HNRNPH1: variants seen among roughly 807,000 people sequenced by gnomAD.
HNRNPH1 encodes the protein heterogeneous nuclear ribonucleoprotein H.
HNRNPH1 carries 4 observed loss-of-function variants against 58.6 expected under a neutral mutation model. The observed-to-expected ratio is 0.07, with a 90% CI of 0.03 to 0.16. HNRNPH1 has a LOEUF of 0.16. Among genes scored for constraint, HNRNPH1 ranks in the 10% least tolerant of loss-of-function variants. The pLI, the probability that HNRNPH1 is intolerant of heterozygous loss-of-function variation, is 1.00. For synonymous variants in HNRNPH1, 192 were observed against 189.2 expected, an observed-to-expected ratio of 1.01 and a Z score of -0.12; for missense variants, 271 against 564.2, an observed-to-expected ratio of 0.48 and a Z score of 5.26.
intron 1 of HNRNPH1, among the ~76,000 whole-genome samples, chr5:179,622,307 G>C (rs918320622): frequency 1.3e-5 from 2 of 152,186 alleles, no homozygotes; most frequent in Admixed American, 6.5e-5. Context: ...CTGGAAACAA[G>C]AGGTTACACT....
intron 4 of HNRNPH1, 35 bp from the exon 6 acceptor site, chr5:179,618,358 G>A (rs1233289215): frequency 6.8e-7 from 1 of 1,478,908 alleles, no homozygotes; most frequent in East Asian, 2.3e-5. Flanking sequence ...GGTAGGGAGG[G>A]GAGAGAAAAC....
intron 10 of HNRNPH1, 179 bp downstream of exon 11, chr5:179,616,690 C>T (rs1026759850): frequency 1.6e-6 from 1 of 629,346 alleles, no homozygotes; most frequent in African/African-American, 1.8e-5. Context: ...ATTATCTATC[C>T]TAAGGAACTT....
rs537768803 is a variant in HNRNPH1 at position 179,622,520 on chromosome 5, G to A, written c.97+517C>T. On this transcript the variant is annotated intron_variant, in intron 1 of 12. Coordinates refer to ENST00000356731, the Ensembl canonical transcript of HNRNPH1. The stretch of plus-strand genomic sequence containing the variant: ...GAGGTCAGATGTTCGAGACCAGCCT[G>A]GCCAAAATAGTGAAACCCCGTCTCT... Among the ~76,000 whole-genome samples the A allele has an allele frequency of 9.1e-4, 138 of 152,192 alleles. 1 individual carries two copies. The highest frequency in any genetic ancestry group is 1.8e-3 in the Non-Finnish European group (122 of 68,014).
Position 179,616,245 on chromosome 5 carries a change from CTTT to C in HNRNPH1, c.1208-30_1208-28del, listed in dbSNP as rs774093274. ...TGTTAAGTTAAGAAAACATTAGAAC[CTTT>C]TTTCTTATGTGATGTGGTACCTGGT... On this transcript the variant is annotated intron_variant, in intron 10 of 12. Coordinates refer to ENST00000356731, the Ensembl canonical transcript of HNRNPH1. 3.8e-6 allele frequency: 6 copies of C among 1,574,024 alleles called. No individual in the cohort carries two copies. In the East Asian group the frequency reaches 1.3e-4, roughly 35 times the overall value.
intron 1 of HNRNPH1, chr5:179,621,624 G>A (rs1772377121): frequency 1.8e-6 from 1 of 544,290 alleles, no homozygotes; most frequent in Non-Finnish European, 3.3e-6. Flanking sequence ...ATTCAAAGCA[G>A]TTTCAGAATG....
rs559553978 is a variant in HNRNPH1 at position 179,617,757 on chromosome 5, G to A, written c.921+42C>T. ...ATTTATAGAATAAGGCTGACTTACTGCCATACTGAAATATTGACTTGTGAG... is the reference window on the plus strand; with the variant it reads ...ATTTATAGAATAAGGCTGACTTACTACCATACTGAAATATTGACTTGTGAG... On this transcript the variant is annotated intron_variant, in intron 7 of 12. Transcript: ENST00000356731. 9.3e-6 allele frequency: 15 copies of A among 1,609,618 alleles called. No individual in the cohort carries two copies. The East Asian group carries it at 1.3e-4, about 14-fold the overall frequency.
chr5:179,623,746 C>G (rs1209809023), exon 1 of HNRNPH1: 1 of 152,574 alleles, frequency 6.6e-6, no homozygotes, highest in East Asian at 1.9e-4. Context: ...CTGCCCGCAC[C>G]GCCCCGTTGC....
intron 2 of HNRNPH1, among the ~76,000 whole-genome samples, chr5:179,632,162 T>G (rs888925627): frequency 7.3e-4 from 110 of 151,378 alleles, no homozygotes; most frequent in African/African-American, 2.3e-3. Flanking sequence ...AAAAAAATTA[T>G]CCGGGCGTGG....
chr5:179,616,848 A>T (rs1252945035), intron 10 of HNRNPH1, 21 bp downstream of exon 11: 5 of 1,602,420 alleles, frequency 3.1e-6, no homozygotes, highest in Non-Finnish European at 4.3e-6. Context: ...TTTGGTTTTT[A>T]AAAAAACTAA....
upstream of HNRNPH1, among the ~76,000 whole-genome samples, chr5:179,626,881 T>G (rs879466074): frequency 6.7e-6 from 1 of 149,332 alleles, no homozygotes; most frequent in Non-Finnish European, 1.5e-5. Context: ...GTTCACACCA[T>G]TCTCCTGCCT....
At chr5:179,618,260 C>T (rs781487261) in exon 5 of HNRNPH1, 6 of 1,614,062 alleles carry the variant, frequency 3.7e-6, no homozygotes, top group Admixed American at 1.7e-5. Flanking sequence ...TGGCCATAAG[C>T]TTTCGTGGTG....
chr5:179,628,410 A>G (rs920694293), upstream of HNRNPH1, among the ~76,000 whole-genome samples: 3 of 152,052 alleles, frequency 2.0e-5, no homozygotes, highest in African/African-American at 7.2e-5. Flanking sequence ...CTGGAATGCA[A>G]TGGCATGATC....
At chr5:179,619,078 A>G in intron 4 of HNRNPH1, 191 bp downstream of exon 5, 1 of 493,890 alleles carries the variant, frequency 2.0e-6, no homozygotes, top group South Asian at 3.3e-5. Flanking sequence ...AGACCAATTA[A>G]CTAGGGACAA....
chr5:179,625,487 CAAAAAAA>C (rs36011321), upstream of HNRNPH1, among the ~76,000 whole-genome samples: 247 of 86,320 alleles, frequency 2.9e-3, 1 homozygote, highest in Admixed American at 2.6e-3. Context: ...GACTCCCTCT[CAAAAAAA>C]AAAAAAAAAA....
intron 2 of HNRNPH1, 51 bp downstream of exon 3, chr5:179,621,191 C>T (rs1353648442): frequency 6.4e-6 from 10 of 1,567,798 alleles, no homozygotes; most frequent in Non-Finnish European, 8.8e-6. Flanking sequence ...GGGGTGAGAC[C>T]TCTATTGTTT....
At chr5:179,626,953 T>C (rs1324540132), upstream of HNRNPH1, among the ~76,000 whole-genome samples, 2 of 151,766 alleles carry the variant, frequency 1.3e-5, no homozygotes, top group African/African-American at 4.8e-5. Context: ...GCTAATTTTC[T>C]TGTATTTTTA....
At chr5:179,625,153 G>C (rs1774251337), upstream of HNRNPH1, among the ~76,000 whole-genome samples, 1 of 152,174 alleles carries the variant, frequency 6.6e-6, no homozygotes, top group Admixed American at 6.5e-5. Context: ...TGAACTAGAA[G>C]CACACACCTG....
chr5:179,616,111 A>AGAGGCTTTAC lies in HNRNPH1; in HGVS notation c.1300+14_1300+15insGTAAAGCCTC. On this transcript the variant is annotated intron_variant, in intron 11 of 12. Coordinates refer to ENST00000356731, the Ensembl canonical transcript of HNRNPH1. The stretch of plus-strand genomic sequence containing the variant: ...ACCATAACTTACTCTAAGTACAGTA[A>AGAGGCTTTAC]CAAACAGGCTTTACCGTATCCACTC... 6.2e-7 allele frequency: 1 copy of AGAGGCTTTAC among 1,600,604 alleles called. No homozygotes were observed. Among genetic ancestry groups the AGAGGCTTTAC allele is most frequent in the East Asian group, 2.2e-5 (1 of 44,820 alleles).
rs752554745 is a variant in HNRNPH1 at position 179,632,753 on chromosome 5, CT to C, written c.-32+1311del. On this transcript the variant is annotated intron_variant, in intron 2 of 4. Coordinates refer to the HNRNPH1 transcript ENST00000521116. Reference sequence around the variant, plus strand: ...CACTGTCTAAAGCCAAATCAAATATCTTTTTTTTTTTTTTTTTTTTTGAGAC... The same window carrying C: ...CACTGTCTAAAGCCAAATCAAATATCTTTTTTTTTTTTTTTTTTTTGAGAC... 6.7e-4 allele frequency among the ~76,000 whole-genome samples: 62 copies of C among 92,004 alleles called. 1 individual carries two copies. Among genetic ancestry groups the C allele is most frequent in the African/African-American group, 1.7e-3 (42 of 24,418 alleles). The allele number at this position is 92,004 out of a possible 152,430, so 60.4% of individuals were successfully genotyped here.
Sources: gnomAD v4.1 joint callset for allele counts (sites outside exome capture counted in the v4.1 genomes callset) on GRCh38, gnomAD v4.1.1 for gene constraint, MANE v1.5 for transcripts, NCBI Gene and HGNC (gene_info 2026-07-23, HGNC 2026-07-21) for gene names.